Variants in AK9 observed in about 807,000 individuals in gnomAD.
The protein encoded by AK9 is adenylate kinase 9.
In AK9, 191 loss-of-function variants were observed where a neutral mutation model predicts 239.6. The observed-to-expected ratio is 0.80, with a 90% CI of 0.71 to 0.90. The LOEUF (loss-of-function observed/expected upper bound fraction) is 0.90, where lower values mean the gene tolerates loss of function less well. AK9 is among the 40% of genes least tolerant of loss of function. The pLI, the probability that AK9 is intolerant of heterozygous loss-of-function variation, is 0.00. For missense variants in AK9, 1,995 were observed against 2,214.7 expected, an observed-to-expected ratio of 0.90 and a Z score of 1.99; for synonymous variants, 689 against 721.0, an observed-to-expected ratio of 0.96 and a Z score of 0.71.
Position 109,506,518 on chromosome 6 carries a change from T to C in AK9, c.4658A>G (p.Gln1553Arg). The C allele has an allele frequency of 6.3e-7, 1 of 1,594,982 alleles. No homozygotes were observed. Among genetic ancestry groups the C allele is most frequent in the East Asian group, 2.3e-5 (1 of 44,424 alleles). Reference sequence around the variant, plus strand: ...CTTTACATTATTGACAGCTACAATTTGTGCACTATTGTGCAATGGATAAGG... The same window carrying C: ...CTTTACATTATTGACAGCTACAATTCGTGCACTATTGTGCAATGGATAAGG... ...RLPYPLHNSA[Q>R]IVAVNNVKYR... is the part of the protein sequence containing the mutation. The change falls in exon 35 of 41, where the codon CAA becomes CGA. Residue 1553 changes from glutamine to arginine, a missense_variant. By Grantham distance (43) the Gln-to-Arg change is conservative. This residue lies in a region of AK9 where 391 missense variants were observed against 456.0 expected (regional missense o/e 0.86). Transcript: ENST00000424296.
intron 5 of AK9, among the ~76,000 whole-genome samples, chr6:109,665,275 T>C (rs1801025897): frequency 1.3e-5 from 2 of 152,232 alleles, no homozygotes; most frequent in Non-Finnish European, 2.9e-5. Context: ...CCCTCTTGTC[T>C]TGCTATGATC....
At chr6:109,621,188 T>C (rs1794767889) in intron 12 of AK9, among the ~76,000 whole-genome samples, 1 of 114,218 alleles carries the variant, frequency 8.8e-6, no homozygotes, top group Non-Finnish European at 1.8e-5. Context: ...AAAACCATTA[T>C]GAGATATCAT....
rs1290717851 is a variant in AK9 at position 109,546,090 on chromosome 6, C to T, written c.3002G>A (p.Gly1001Asp). 2 of 1,609,752 alleles carry T rather than the reference C, an allele frequency of 1.2e-6. No homozygotes were observed. The highest frequency in any genetic ancestry group is 2.2e-5 in the South Asian group (2 of 90,602). The change falls in exon 26 of 41, where the codon GGC (glycine) becomes GAC (aspartate). Residue 1001 changes from glycine to aspartate, a missense_variant. By Grantham distance (94) the Gly-to-Asp change is moderately conservative. Coordinates refer to ENST00000424296, the MANE Select transcript of AK9 (RefSeq NM_001145128.3). ...TCTTCCACACATAGTTTTGCCAGAGCCCTGGGGGCCGACAAGGCATATTCT... is the reference window on the plus strand; with the variant it reads ...TCTTCCACACATAGTTTTGCCAGAGTCCTGGGGGCCGACAAGGCATATTCT... Reference protein sequence around the residue: ...PLRICLVGPQGSGKTMCGRQL... With the variant: ...PLRICLVGPQDSGKTMCGRQL...
chr6:109,598,779 G>A (rs1393971984), intron 17 of AK9, among the ~76,000 whole-genome samples: 1 of 152,204 alleles, frequency 6.6e-6, no homozygotes, highest in African/African-American at 2.4e-5. Context: ...ACTGGTGTGA[G>A]ATGGTATCTC....
chr6:109,675,907 T>C (rs1462778628), intron 1 of AK9, among the ~76,000 whole-genome samples, 151 bp from the exon 2 acceptor site: 1 of 152,148 alleles, frequency 6.6e-6, no homozygotes, highest in Non-Finnish European at 1.5e-5. Flanking sequence ...CAAATAAGTT[T>C]AACTCATTTA....
intron 35 of AK9, among the ~76,000 whole-genome samples, chr6:109,500,950 G>A (rs114363958): frequency 0.014 from 2,201 of 152,120 alleles, 56 homozygotes; most frequent in African/African-American, 0.051. Flanking sequence ...CTTGGGAGGT[G>A]GAGGCTGCAG....
chr6:109,515,219 T>TG (rs1488977899), intron 31 of AK9, among the ~76,000 whole-genome samples: 1 of 152,212 alleles, frequency 6.6e-6, no homozygotes, highest in Non-Finnish European at 1.5e-5. Context: ...TTTAGAGGTA[T>TG]ACTAGTAGGG....
At chr6:109,498,687 C>T (rs902522954) in intron 36 of AK9, among the ~76,000 whole-genome samples, 4 of 152,242 alleles carry the variant, frequency 2.6e-5, no homozygotes, top group Admixed American at 1.3e-4. Flanking sequence ...TTTCTACTGA[C>T]TCTGATTCCC....
At chr6:109,674,127 T>C in intron 3 of AK9, 71 bp downstream of exon 3, 1 of 1,302,964 alleles carries the variant, frequency 7.7e-7, no homozygotes, top group Non-Finnish European at 1.0e-6. Flanking sequence ...ATTCACTGTA[T>C]AATTATCTCC....
chr6:109,546,002 T>A lies in AK9; in HGVS notation c.3090A>T (p.Leu1030=). The A allele has an allele frequency of 1.9e-6, 3 of 1,614,148 alleles. No homozygotes were observed. Among genetic ancestry groups the A allele is most frequent in the Non-Finnish European group, 2.5e-6 (3 of 1,180,008 alleles). The change falls in exon 26 of 41, where the codon CTA becomes CTT. Residue 1030 remains leucine, a synonymous_variant. Transcript: ENST00000424296. ...IQFEEVLQEK[L]LLKTEKKVGP... is the part of the protein sequence containing the mutation. ...CCACTTTCTTTTCAGTTTTGAGTAG[T>A]AGTTTTTCTTGAAGAACTTCTTCAA...
rs1190865589 is a variant in AK9, at chr6:109,585,915, C to T, written c.1999+1G>A. 1.4e-5 allele frequency: 21 copies of T among 1,527,360 alleles called. No homozygotes were observed. Among genetic ancestry groups the T allele is most frequent in the Non-Finnish European group, 1.8e-5 (21 of 1,138,674 alleles). 94.6% of individuals were successfully genotyped at this position (1,527,360 alleles called of 1,614,324 possible). ...AATTTACATAATAAATATTTACCAA[C>T]CATTGTTTTCTGTATCTGATAAATA... On this transcript the variant is annotated splice_donor_variant, in intron 18 of 40. Coordinates refer to ENST00000424296, the MANE Select transcript of AK9 (RefSeq NM_001145128.3). LOFTEE classifies it high-confidence loss of function.
chr6:109,506,936 C>T (rs1778178334), intron 33 of AK9, 136 bp from the exon 34 acceptor site: 8 of 1,329,356 alleles, frequency 6.0e-6, no homozygotes, highest in Middle Eastern at 2.7e-4. Context: ...ATTTTCTTCA[C>T]ACTTTGCCCT....
intron 30 of AK9, 46 bp from the exon 31 acceptor site, chr6:109,516,121 G>T: frequency 6.8e-7 from 1 of 1,460,256 alleles, no homozygotes; most frequent in Non-Finnish European, 9.3e-7. Context: ...TGAGAAAAAG[G>T]CTGGTAGTAT....
chr6:109,564,565 T>C, intron 22 of AK9, among the ~76,000 whole-genome samples, 191 bp downstream of exon 22: 1 of 137,228 alleles, frequency 7.3e-6, no homozygotes, highest in South Asian at 2.4e-4. Context: ...CAAATTTGTG[T>C]AAAAACCAGT....
intron 10 of AK9, among the ~76,000 whole-genome samples, chr6:109,634,290 C>T (rs548363624): frequency 2.4e-4 from 36 of 152,332 alleles, no homozygotes; most frequent in African/African-American, 7.9e-4. Context: ...CTTCCACCTT[C>T]CACAATGGGA....
chr6:109,556,288 A>AT (rs1256938381), intron 24 of AK9, among the ~76,000 whole-genome samples: 3 of 152,110 alleles, frequency 2.0e-5, no homozygotes, highest in African/African-American at 7.2e-5. Flanking sequence ...GTTTGGCTGG[A>AT]TATGAAATTC....
At chr6:109,659,841 T>A (rs945078207) in intron 6 of AK9, among the ~76,000 whole-genome samples, 5 of 152,216 alleles carry the variant, frequency 3.3e-5, no homozygotes, top group Non-Finnish European at 7.3e-5. Context: ...ATATTTACTA[T>A]CACTTACAGC....
chr6:109,541,280 T>G (rs1782845517), intron 27 of AK9, among the ~76,000 whole-genome samples: 1 of 152,346 alleles, frequency 6.6e-6, no homozygotes, highest in Non-Finnish European at 1.5e-5. Flanking sequence ...ATCCCATATC[T>G]CAGAGGTTAT....
At chr6:109,685,487 C>T (rs1773369690) in intron 1 of AK9, among the ~76,000 whole-genome samples, 1 of 151,944 alleles carries the variant, frequency 6.6e-6, no homozygotes, top group Non-Finnish European at 1.5e-5. Flanking sequence ...GAACAGAAAA[C>T]CAAACACTGC....
Sources: allele counts gnomAD v4.1 joint callset (sites outside exome capture counted in the v4.1 genomes callset), GRCh38; gene constraint gnomAD v4.1.1; regional missense constraint gnomAD v4.1.1; transcripts MANE v1.5; gene names NCBI Gene and HGNC (gene_info 2026-07-23, HGNC 2026-07-21).